The following INPP5A variants were observed in gnomAD, a reference collection of about 807,000 sequenced individuals.
INPP5A encodes 43 kDa inositol polyphosphate 5-phophatase.
In INPP5A, 14 loss-of-function variants were observed where a neutral mutation model predicts 65.2. That is an observed-to-expected ratio of 0.21 (90% CI 0.14 to 0.34). The LOEUF is 0.34. Among genes scored for constraint, INPP5A ranks in the 10% least tolerant of loss-of-function variants. INPP5A has a pLI of 1.00. For missense variants in INPP5A, 431 were observed against 545.6 expected, an observed-to-expected ratio of 0.79 and a Z score of 2.09; for synonymous variants, 207 against 208.3, an observed-to-expected ratio of 0.99 and a Z score of 0.05.
At chr10:132,730,886 T>C (rs1846072521) in intron 9 of INPP5A, among the ~76,000 whole-genome samples, 1 of 152,204 alleles carries the variant, frequency 6.6e-6, no homozygotes, top group Non-Finnish European at 1.5e-5. Flanking sequence ...TCATTTCATT[T>C]TAATTCAGAT....
chr10:132,640,178 A>G (rs1164876585), intron 2 of INPP5A, among the ~76,000 whole-genome samples: 1 of 152,168 alleles, frequency 6.6e-6, no homozygotes, highest in East Asian at 1.9e-4. Context: ...GGCTTTTCTT[A>G]CGGTTCTCAG....
chr10:132,660,462 G>C (rs1258273570), intron 4 of INPP5A, among the ~76,000 whole-genome samples: 1 of 152,308 alleles, frequency 6.6e-6, no homozygotes, highest in East Asian at 1.9e-4. Context: ...AAACTTCTTA[G>C]GAGGAAGAGA....
At chr10:132,557,775 C>G (rs759875750) in intron 1 of INPP5A, among the ~76,000 whole-genome samples, 17 of 152,140 alleles carry the variant, frequency 1.1e-4, no homozygotes, top group Admixed American at 2.6e-4. Flanking sequence ...CCATAGTTTT[C>G]TGTTGAATGC....
rs1299839086 is a variant in INPP5A at position 132,545,294 on chromosome 10, C to A, written c.75+7123C>A. Among the ~76,000 whole-genome samples the A allele has an allele frequency of 6.6e-6, 1 of 152,162 alleles. No homozygotes were observed. The highest frequency in any genetic ancestry group is 2.1e-4 in the South Asian group (1 of 4,818). On this transcript the variant is annotated intron_variant, in intron 1 of 15. Coordinates refer to ENST00000368594, the MANE Select transcript of INPP5A (RefSeq NM_005539.5). This position sits in a 1 kb window ranked among gnomAD's most constrained non-coding sequence, Gnocchi z 4.6. ...GACCCAGGCCTGCCCCACCGTGAAGCATCAAATTTAGAGCCCCTCTGTCCA... is the reference window on the plus strand; with the variant it reads ...GACCCAGGCCTGCCCCACCGTGAAGAATCAAATTTAGAGCCCCTCTGTCCA...
chr10:132,691,351 C>T (rs1485717969), intron 5 of INPP5A, among the ~76,000 whole-genome samples: 2 of 152,196 alleles, frequency 1.3e-5, no homozygotes, highest in African/African-American at 4.8e-5. Context: ...ATCAGCCGCA[C>T]AGAATTGCAG....
intron 1 of INPP5A, among the ~76,000 whole-genome samples, chr10:132,602,258 G>C (rs1425898814): frequency 6.6e-6 from 1 of 152,160 alleles, no homozygotes; most frequent in Non-Finnish European, 1.5e-5. Flanking sequence ...TTCATTGTTA[G>C]TGTTGTTTGT....
intron 1 of INPP5A, among the ~76,000 whole-genome samples, chr10:132,597,211 G>T (rs1318393712): frequency 6.6e-6 from 1 of 152,256 alleles, no homozygotes; most frequent in Non-Finnish European, 1.5e-5. Context: ...ATGGCCGAGG[G>T]TTTATTTTCT....
At position 132,707,830 on chromosome 10, in the gene INPP5A, G is replaced by A. The variant is rs1845561871; in HGVS notation, c.475-483G>A. Among the ~76,000 whole-genome samples the A allele has an allele frequency of 6.6e-6, 1 of 152,060 alleles. No homozygotes were observed. The highest frequency in any genetic ancestry group is 2.4e-5 in the African/African-American group (1 of 41,402). ...CGGTGGGTGAACGGCATCGGTGGGT[G>A]AGAGGCATCGGTGGGTGGTGGGGAT... On this transcript the variant is annotated intron_variant, in intron 6 of 15. Coordinates refer to ENST00000368594, the MANE Select transcript of INPP5A (RefSeq NM_005539.5). This position sits in a 1 kb window ranked among gnomAD's most constrained non-coding sequence, Gnocchi z 5.5.
At position 132,555,905 on chromosome 10, in the gene INPP5A, G is replaced by A. The variant is rs2071120005; in HGVS notation, c.75+17734G>A. On this transcript the variant is annotated intron_variant, in intron 1 of 15. Transcript: ENST00000368594. This position sits in a 1 kb window ranked among gnomAD's most constrained non-coding sequence, Gnocchi z 4.4. ...ACACGCGTTTCCCCTTTTCGTAAGAGGATGAACAGCCTCTCACCTGCTGGA... is the reference window on the plus strand; with the variant it reads ...ACACGCGTTTCCCCTTTTCGTAAGAAGATGAACAGCCTCTCACCTGCTGGA... 6.6e-6 allele frequency among the ~76,000 whole-genome samples: 1 copy of A among 152,124 alleles called. No individual in the cohort carries two copies.
rs1048080656 is a variant in INPP5A at position 132,663,738 on chromosome 10, T to A, written c.306+13233T>A. ...TGGGTCATTGCGCTTTCCTTGCCTT[T>A]TGGGGAGGGTCCCTGGTGCTCTGTG... On this transcript the variant is annotated intron_variant, in intron 4 of 15. Transcript: ENST00000368594. The surrounding 1 kb of genome is among the most constrained non-coding windows in gnomAD (Gnocchi z 4.5). Among the ~76,000 whole-genome samples the A allele has an allele frequency of 4.6e-5, 7 of 152,184 alleles. No homozygotes were observed. Among genetic ancestry groups the A allele is most frequent in the Non-Finnish European group, 5.9e-5 (4 of 68,038 alleles).
At chr10:132,702,026 C>T (rs1027941192) in intron 6 of INPP5A, among the ~76,000 whole-genome samples, 7 of 152,238 alleles carry the variant, frequency 4.6e-5, no homozygotes, top group African/African-American at 1.4e-4. Context: ...CCCAAGGATG[C>T]GACCGCACCT....
intron 9 of INPP5A, among the ~76,000 whole-genome samples, chr10:132,729,989 C>T (rs984919596): frequency 1.3e-5 from 2 of 152,194 alleles, no homozygotes; most frequent in African/African-American, 2.4e-5. Context: ...GTCTGAGAGC[C>T]GCCCACACCA....
chr10:132,656,608 C>T (rs1295370209), intron 4 of INPP5A, among the ~76,000 whole-genome samples: 4 of 152,148 alleles, frequency 2.6e-5, no homozygotes, highest in African/African-American at 9.7e-5. Flanking sequence ...TGCCCCACCT[C>T]GCCTCTTGCC....
intron 9 of INPP5A, among the ~76,000 whole-genome samples, chr10:132,738,664 C>T (rs1173089112): frequency 1.3e-5 from 2 of 152,234 alleles, no homozygotes; most frequent in Admixed American, 6.5e-5. Context: ...ATTCCATGCG[C>T]GCTGTGTCCG....
In INPP5A at chr10:132,700,801, C is replaced by CTCA. The variant is rs543819643; in HGVS notation, c.474+2883_474+2885dup. On this transcript the variant is annotated intron_variant, in intron 6 of 15. Coordinates refer to ENST00000368594, the MANE Select transcript of INPP5A (RefSeq NM_005539.5). ...TACCTTGATGGGGGTATAATGCAGTCTCAGATAATTACAGCCGCAGCAGAA... is the reference window on the plus strand; with the variant it reads ...TACCTTGATGGGGGTATAATGCAGTCTCATCAGATAATTACAGCCGCAGCAGAA... Among the ~76,000 whole-genome samples, 341 of 152,380 alleles carry CTCA rather than the reference C, an allele frequency of 2.2e-3. 12 individuals carry two copies. The South Asian group carries it at 0.069, about 31-fold the overall frequency.
At chr10:132,780,103 C>T (rs1367947852) in intron 13 of INPP5A, among the ~76,000 whole-genome samples, 2 of 152,336 alleles carry the variant, frequency 1.3e-5, no homozygotes, top group East Asian at 1.9e-4. Context: ...TTCTGGCAGG[C>T]GCCCATGCTG....
chr10:132,572,836 AT>A (rs1163937727), intron 1 of INPP5A, among the ~76,000 whole-genome samples: 2 of 152,142 alleles, frequency 1.3e-5, no homozygotes, highest in East Asian at 1.9e-4. Flanking sequence ...TGCTCTGCTG[AT>A]TGCTGAAATG....
In INPP5A at chr10:132,699,878, G is replaced by C. The variant is rs950535950; in HGVS notation, c.474+1959G>C. On this transcript the variant is annotated intron_variant, in intron 6 of 15. Transcript: ENST00000368594. ...CCCAGCAAGCGGGGAGCTGAGGCCCGGGGCCCAGACTGAAGTTGGGCAAGA... is the reference window on the plus strand; with the variant it reads ...CCCAGCAAGCGGGGAGCTGAGGCCCCGGGCCCAGACTGAAGTTGGGCAAGA... 3.9e-5 allele frequency among the ~76,000 whole-genome samples: 6 copies of C among 152,290 alleles called. No individual in the cohort carries two copies. The South Asian group carries it at 1.2e-3, about 32-fold the overall frequency.
chr10:132,757,129 T>C (rs1009020515), intron 11 of INPP5A, among the ~76,000 whole-genome samples: 4 of 152,248 alleles, frequency 2.6e-5, no homozygotes, highest in Non-Finnish European at 4.4e-5. Flanking sequence ...GGTTAACTTA[T>C]TACGAGAAAA....
Sources: allele counts gnomAD v4.1 joint callset (sites outside exome capture counted in the v4.1 genomes callset), GRCh38; gene constraint gnomAD v4.1.1; non-coding constraint Gnocchi (gnomAD v3.1); transcripts MANE v1.5; gene names NCBI Gene and HGNC (gene_info 2026-07-23, HGNC 2026-07-21).